Variants in NLGN1 observed in about 807,000 individuals in gnomAD.
NLGN1 encodes the protein neuroligin-1.
A neutral mutation model predicts 65.5 loss-of-function variants in NLGN1; 12 were observed. The observed-to-expected ratio is 0.18, with a 90% CI of 0.12 to 0.30. NLGN1 has a LOEUF of 0.30. Ranked by LOEUF, NLGN1 falls within the 10% of genes least tolerant of loss-of-function variation. NLGN1 has a pLI of 1.00. For synonymous variants in NLGN1, 350 were observed against 359.5 expected, an observed-to-expected ratio of 0.97 and a Z score of 0.30; for missense variants, 750 against 1,007.1, an observed-to-expected ratio of 0.74 and a Z score of 3.46.
chr3:173,866,011 G>T (rs138019880), intron 4 of NLGN1, among the ~76,000 whole-genome samples: 76 of 152,232 alleles, frequency 5.0e-4, no homozygotes, highest in African/African-American at 1.7e-3. Context: ...CTCTACCTCG[G>T]CAGGGTTAGA....
chr3:173,654,468 T>C (rs192575703), intron 3 of NLGN1, among the ~76,000 whole-genome samples: 1 of 152,132 alleles, frequency 6.6e-6, no homozygotes, highest in Non-Finnish European at 1.5e-5. Flanking sequence ...TCAAGGCAGT[T>C]AAAAATCTAC....
chr3:174,223,236 C>T (rs1252176119), intron 4 of NLGN1, among the ~76,000 whole-genome samples: 1 of 152,134 alleles, frequency 6.6e-6, no homozygotes, highest in Non-Finnish European at 1.5e-5. Flanking sequence ...AGCTCACTCT[C>T]CTTTTGTGCC....
At chr3:173,978,567 G>A (rs1389496511) in intron 4 of NLGN1, among the ~76,000 whole-genome samples, 2 of 151,872 alleles carry the variant, frequency 1.3e-5, no homozygotes, top group Non-Finnish European at 2.9e-5. Context: ...GGTCCACATG[G>A]AATAGTCAAT....
At chr3:173,400,672 A>G (rs1288561045) in intron 1 of NLGN1, among the ~76,000 whole-genome samples, 1 of 152,134 alleles carries the variant, frequency 6.6e-6, no homozygotes, top group Non-Finnish European at 1.5e-5. Context: ...ACAACACAGT[A>G]TTTATACTGG....
At chr3:174,070,999 G>A (rs966826587) in intron 4 of NLGN1, among the ~76,000 whole-genome samples, 3 of 152,248 alleles carry the variant, frequency 2.0e-5, no homozygotes, top group East Asian at 1.9e-4. Flanking sequence ...AGGCTGCAAT[G>A]AGTCATGATC....
At chr3:173,762,105 G>A (rs746347800) in intron 3 of NLGN1, among the ~76,000 whole-genome samples, 22 of 151,972 alleles carry the variant, frequency 1.4e-4, no homozygotes, top group African/African-American at 4.8e-4. Context: ...AGTTCTTCCA[G>A]GACAGGAATA....
intron 3 of NLGN1, among the ~76,000 whole-genome samples, chr3:173,614,762 A>T (rs946029548): frequency 3.9e-5 from 6 of 151,938 alleles, no homozygotes; most frequent in African/African-American, 1.2e-4. Flanking sequence ...CCTCACACAT[A>T]TGTATATGGA....
In NLGN1 at chr3:174,279,647, C is replaced by G; in HGVS notation, c.1646C>G (p.Thr549Ser). 6.3e-7 allele frequency: 1 copy of G among 1,584,406 alleles called. No individual in the cohort carries two copies. The highest frequency in any genetic ancestry group is 2.2e-5 in the East Asian group (1 of 44,538). The stretch of plus-strand genomic sequence containing the variant: ...ACATACTGGACAAATTTTGCTAAAA[C>G]TGGGTATGTACCTAAGGAATGAAGT... Residue 549 changes from threonine (T) to serine (S), a missense_variant, in exon 6 of 7, where the codon ACT (threonine) becomes AGT (serine). Physicochemically the swap from Thr to Ser is moderately conservative, Grantham distance 58. Transcript: ENST00000457714. The surrounding 1 kb of genome is among the most constrained non-coding windows in gnomAD (Gnocchi z 4.7).
intron 3 of NLGN1, among the ~76,000 whole-genome samples, chr3:173,727,250 T>C (rs1578146438): frequency 6.6e-6 from 1 of 152,086 alleles, no homozygotes; most frequent in East Asian, 1.9e-4. Context: ...ATCAGTTAAT[T>C]AGTAAGTGGC....
At chr3:174,249,209 G>A (rs1744336452) in intron 4 of NLGN1, among the ~76,000 whole-genome samples, 1 of 152,170 alleles carries the variant, frequency 6.6e-6, no homozygotes, top group African/African-American at 2.4e-5. Flanking sequence ...CTTCATTTAT[G>A]TATAGCCATA....
rs75457414 is a variant in NLGN1 at position 173,728,346 on chromosome 3, G to T, written c.494-79334G>T. Among the ~76,000 whole-genome samples, 318 of 152,158 alleles carry T rather than the reference G, an allele frequency of 2.1e-3. 6 individuals are homozygous for T. The East Asian group carries it at 0.037, about 18-fold the overall frequency. ...ATTTTGGCATATGGAAAAATAATGT[G>T]TTCACACTACCAGTCTAGGTGGACT... On this transcript the variant is annotated intron_variant, in intron 3 of 6. Coordinates refer to ENST00000457714, the Ensembl canonical transcript of NLGN1.
At chr3:174,128,185 C>T (rs989567134) in intron 4 of NLGN1, among the ~76,000 whole-genome samples, 3 of 151,868 alleles carry the variant, frequency 2.0e-5, no homozygotes, top group Non-Finnish European at 4.4e-5. Context: ...TTTGATAGTC[C>T]CCTAAAACAA....
intron 2 of NLGN1, among the ~76,000 whole-genome samples, chr3:173,581,622 A>G (rs919408123): frequency 6.6e-6 from 1 of 151,996 alleles, no homozygotes; most frequent in Non-Finnish European, 1.5e-5. Flanking sequence ...AGAATTTCTA[A>G]TATCAATTAT....
intron 3 of NLGN1, among the ~76,000 whole-genome samples, chr3:173,764,151 A>T (rs1482739643): frequency 6.6e-6 from 1 of 152,178 alleles, no homozygotes; most frequent in Non-Finnish European, 1.5e-5. Context: ...ACACTTCATG[A>T]TGGAGAGAAG....
chr3:173,402,304 T>C (rs1717837987), intron 1 of NLGN1, among the ~76,000 whole-genome samples: 1 of 152,178 alleles, frequency 6.6e-6, no homozygotes, highest in South Asian at 2.1e-4. Flanking sequence ...ATATTAACAT[T>C]GCTATGGACG....
At chr3:174,266,997 C>G (rs192368529) in intron 4 of NLGN1, among the ~76,000 whole-genome samples, 326 of 152,150 alleles carry the variant, frequency 2.1e-3, no homozygotes, top group African/African-American at 6.9e-3. Flanking sequence ...ATTAAGCCCC[C>G]TGCATACTAA....
At chr3:174,035,531 C>T (rs291941) in intron 4 of NLGN1, among the ~76,000 whole-genome samples, 145,519 of 152,282 alleles carry the variant, frequency 0.96, 69,598 homozygotes, top group East Asian at 1. Flanking sequence ...TTTCTACTGC[C>T]ACTTACTGTC....
At chr3:173,552,419 G>A (rs1389261901) in intron 2 of NLGN1, among the ~76,000 whole-genome samples, 1 of 152,068 alleles carries the variant, frequency 6.6e-6, no homozygotes, top group African/African-American at 2.4e-5. Flanking sequence ...CCTAATATGA[G>A]TGCCTCTAAT....
intron 2 of NLGN1, among the ~76,000 whole-genome samples, chr3:173,481,839 T>A (rs1248568838): frequency 6.6e-6 from 1 of 151,974 alleles, no homozygotes; most frequent in Non-Finnish European, 1.5e-5. Context: ...CATCACATAC[T>A]AATTAGCATG....
Sources: allele counts gnomAD v4.1 joint callset (sites outside exome capture counted in the v4.1 genomes callset), GRCh38; gene constraint gnomAD v4.1.1; non-coding constraint Gnocchi (gnomAD v3.1); transcripts MANE v1.5; gene names NCBI Gene and HGNC (gene_info 2026-07-23, HGNC 2026-07-21).